The following ADAM8 variants were observed in gnomAD, a reference collection of about 807,000 sequenced individuals.
The protein encoded by ADAM8 is ADAM metallopeptidase domain 8.
Under a neutral mutation model 102.4 loss-of-function variants are expected in ADAM8, and 104 were observed. That is an observed-to-expected ratio of 1.02 (90% confidence interval 0.87 to 1.20). The LOEUF is 1.20. Among genes scored for constraint, ADAM8 ranks in the 50% most tolerant of loss-of-function variants. ADAM8 has a pLI of 0.00. For synonymous variants in ADAM8, 517 were observed against 485.2 expected (o/e 1.07, Z -0.86); for missense variants, 1,132 against 1,159.0 (o/e 0.98, Z 0.34).
At position 133,262,944 on chromosome 10, in the gene ADAM8, G is replaced by A; in HGVS notation, c.*212C>T. The A allele has an allele frequency of 1.5e-6, 1 of 684,960 alleles. No homozygotes were observed. 42.4% of individuals were successfully genotyped at this position (684,960 alleles called of 1,614,324 possible). A position where few individuals can be genotyped will look rare whatever the true frequency, so the allele number is the denominator to read the frequency against. Reference sequence around the variant, plus strand: ...AGCCTGGTGCCTGCAGACAGCTGGGGCTACACGTGGCCAAGGCGGGGAGAA... The same window carrying A: ...AGCCTGGTGCCTGCAGACAGCTGGGACTACACGTGGCCAAGGCGGGGAGAA... On this transcript the variant is annotated 3_prime_UTR_variant, in exon 23 of 23. Coordinates refer to ENST00000445355, the MANE Select transcript of ADAM8 (RefSeq NM_001109.5).
rs535345577 is a variant in ADAM8, at chr10:133,268,846, G to C, written c.1965C>G (p.Pro655=). The change falls in exon 19 of 23, where the codon CCC becomes CCG. Residue 655 remains proline (P), a synonymous_variant. Transcript: ENST00000445355. ...GCACCAGAACCACCACCACGAAGAC[G>C]GGGAGGCTCCCGGACGCTGTGGGAC... ...TEVHAASGSL[P]VFVVVVLVLL... 9.3e-6 allele frequency: 15 copies of C among 1,607,428 alleles called. No homozygotes were observed. In the African/African-American group the frequency reaches 1.6e-4, roughly 17 times the overall value.
intron 15 of ADAM8, 62 bp from the exon 16 acceptor site, chr10:133,270,572 C>A: frequency 2.6e-6 from 4 of 1,554,712 alleles, no homozygotes; most frequent in Non-Finnish European, 3.5e-6. Flanking sequence ...AGCCCAGGAG[C>A]CACAGTGACC....
chr10:133,272,463 T>A lies in ADAM8; in HGVS notation c.828A>T (p.Ala276=), dbSNP rs556533204. The change falls in exon 9 of 23, where the codon GCA becomes GCT. Residue 276 remains alanine (A), a synonymous_variant. Transcript: ENST00000445355. ...VTLENLLTWQ[A]RQRTRRHLHD... ...GCAGGTGCCGCCGTGTCCGTTGCCG[T>A]GCCTGCCAGGTCAGGAGGTTCTCCA... is the stretch of plus-strand genomic sequence containing the variant. 16 of 1,610,816 alleles carry A rather than the reference T, an allele frequency of 9.9e-6. No homozygotes were observed. In the East Asian group the frequency reaches 2.5e-4, roughly 25 times the overall value.
chr10:133,268,775 C>G lies in ADAM8; in HGVS notation c.2036G>C (p.Arg679Pro), dbSNP rs375833463. Residue 679 changes from arginine (R) to proline (P), a missense_variant, in exon 19 of 23, where the codon CGC (arginine) becomes CCC (proline). By Grantham distance (103) the Arg-to-Pro change is moderately radical. Transcript: ENST00000445355. ...LVTLAGIIVY[R>P]KARSRILSRN... ...GCTCAGGATGCGGCTCCGGGCTTTG[C>G]GGTAGACGATGATGCCTGCCAGGGT... The G allele has an allele frequency of 6.2e-7, 1 of 1,610,488 alleles. No homozygotes were observed. Among genetic ancestry groups the G allele is most frequent in the African/African-American group, 1.3e-5 (1 of 74,914 alleles).
intron 21 of ADAM8, among the ~76,000 whole-genome samples, chr10:133,266,292 T>G (rs981398933): frequency 5.9e-5 from 9 of 152,082 alleles, no homozygotes; most frequent in Non-Finnish European, 1.2e-4. Context: ...ATTGGTGACG[T>G]GGAGCCTCGG....
Position 133,274,261 on chromosome 10 carries a change from G to A in ADAM8, c.151-26C>T, listed in dbSNP as rs972466916. Reference sequence around the variant, plus strand: ...CTGAGCGAGGAGGGAAGGGTCCCAGGTGAGCAGCCTGCCCGGGCTGTGCCC... The same window carrying A: ...CTGAGCGAGGAGGGAAGGGTCCCAGATGAGCAGCCTGCCCGGGCTGTGCCC... On this transcript the variant is annotated intron_variant, in intron 2 of 22. Transcript: ENST00000445355. 3 of 1,516,492 alleles carry A rather than the reference G, an allele frequency of 2.0e-6. No individual in the cohort carries two copies. In the South Asian group the frequency reaches 3.9e-5, roughly 20 times the overall value. 93.9% of individuals were successfully genotyped at this position (1,516,492 alleles called of 1,614,324 possible). A position where few individuals can be genotyped will look rare whatever the true frequency, so the allele number is the denominator to read the frequency against.
intron 17 of ADAM8, 136 bp downstream of exon 17, chr10:133,269,761 C>T: frequency 9.0e-7 from 1 of 1,110,520 alleles, no homozygotes; most frequent in Non-Finnish European, 1.3e-6. Context: ...GACAGGGGCT[C>T]CACAGAGACC....
At chr10:133,264,827 CCGGCTCCTGCTG>C (rs1846275341) in intron 21 of ADAM8, among the ~76,000 whole-genome samples, 1 of 149,358 alleles carries the variant, frequency 6.7e-6, no homozygotes, top group Non-Finnish European at 1.5e-5. Flanking sequence ...ACCTCCACGC[CCGGCTCCTGCTG>C]CAGCCTCTGC....
intron 9 of ADAM8, 69 bp from the exon 10 acceptor site, chr10:133,272,343 GCT>G (rs1846561641): frequency 8.7e-7 from 1 of 1,150,898 alleles, no homozygotes; most frequent in Non-Finnish European, 1.2e-6. Flanking sequence ...CCCCAGCCCT[GCT>G]CTCCCTTCCA....
chr10:133,263,143 C>A lies in ADAM8; in HGVS notation c.*13G>T. ...CAACTTCTCCAAATTTCCACACAGG[C>A]GCAGGTGCCCCCCTAGGGTGCTGTG... On this transcript the variant is annotated 3_prime_UTR_variant, in exon 23 of 23. Transcript: ENST00000445355. The A allele has an allele frequency of 1.2e-6, 2 of 1,614,034 alleles. No homozygotes were observed. The highest frequency in any genetic ancestry group is 1.7e-6 in the Non-Finnish European group (2 of 1,179,912).
intron 19 of ADAM8, 65 bp downstream of exon 19, chr10:133,268,683 C>T (rs962966242): frequency 1.8e-5 from 27 of 1,525,846 alleles, no homozygotes; most frequent in Non-Finnish European, 2.3e-5. Flanking sequence ...CTGGGCACTC[C>T]TTCCTCTGGC....
intron 16 of ADAM8, 94 bp from the exon 17 acceptor site, chr10:133,270,068 G>T (rs1338828639): frequency 1.4e-6 from 2 of 1,392,076 alleles, no homozygotes; most frequent in African/African-American, 1.4e-5. Context: ...GTGGGCTGTG[G>T]TCACCACGTC....
chr10:133,265,120 C>A (rs1044130790), intron 21 of ADAM8, among the ~76,000 whole-genome samples: 1 of 136,860 alleles, frequency 7.3e-6, no homozygotes, highest in African/African-American at 2.8e-5. Context: ...CCTGCTGCAG[C>A]CTCTGCCCCA....
intron 5 of ADAM8, 99 bp downstream of exon 5, chr10:133,273,663 G>C (rs1326622836): frequency 7.2e-7 from 1 of 1,394,828 alleles, no homozygotes; most frequent in African/African-American, 1.4e-5. Flanking sequence ...CTGAGTGGGA[G>C]GAGGAGGCAC....
Position 133,268,816 on chromosome 10 carries a change from C to G in ADAM8, c.1995G>C (p.Leu665=). ...CTGCCAGGGTGACCAGCACAACTGCCAGGAGCACCAGAACCACCACCACGA... is the reference window on the plus strand; with the variant it reads ...CTGCCAGGGTGACCAGCACAACTGCGAGGAGCACCAGAACCACCACCACGA... ...PVFVVVVLVL[L]AVVLVTLAGI... The change falls in exon 19 of 23, where the codon CTG becomes CTC. Residue 665 remains leucine, a synonymous_variant. Coordinates refer to ENST00000445355, the MANE Select transcript of ADAM8 (RefSeq NM_001109.5). The G allele has an allele frequency of 6.2e-7, 1 of 1,610,496 alleles. No homozygotes were observed. The highest frequency in any genetic ancestry group is 8.5e-7 in the Non-Finnish European group (1 of 1,179,894).
chr10:133,270,585 C>A, intron 15 of ADAM8, 75 bp from the exon 16 acceptor site: 1 of 1,551,722 alleles, frequency 6.4e-7, no homozygotes, highest in Non-Finnish European at 8.8e-7. Context: ...CAGTGACCCA[C>A]CTCCCTCCCA....
At position 133,263,741 on chromosome 10, in the gene ADAM8, G is replaced by A; in HGVS notation, c.2344C>T (p.Pro782Ser). 1 of 1,534,566 alleles carries A rather than the reference G, an allele frequency of 6.5e-7. No homozygotes were observed. The highest frequency in any genetic ancestry group is 8.8e-7 in the Non-Finnish European group (1 of 1,140,406). The change falls in exon 22 of 23, where the codon CCA becomes TCA. Residue 782 changes from proline (P) to serine (S), a missense_variant. Physicochemically the swap from Pro to Ser is moderately conservative, Grantham distance 74 (BLOSUM62 -1). Coordinates refer to ENST00000445355, the MANE Select transcript of ADAM8 (RefSeq NM_001109.5). ...KQVIKPTFAP[P>S]VPPVKPGAGA... ...GCCCCGGGTTTGACTGGGGGCACTG[G>A]GGGTGCGAACGTTGGCTTGATGACC...
At chr10:133,268,895 A>C in intron 18 of ADAM8, 33 bp from the exon 19 acceptor site, 1 of 1,593,300 alleles carries the variant, frequency 6.3e-7, no homozygotes, top group Non-Finnish European at 8.5e-7. Context: ...TCAGGCAGGC[A>C]GGCCGCGACC....
Position 133,262,959 on chromosome 10 carries a change from G to T in ADAM8, c.*197C>A. The T allele has an allele frequency of 1.4e-6, 1 of 719,820 alleles. No individual in the cohort carries two copies. The highest frequency in any genetic ancestry group is 2.5e-6 in the Non-Finnish European group (1 of 405,480). 44.6% of individuals were successfully genotyped at this position (719,820 alleles called of 1,614,324 possible). On this transcript the variant is annotated 3_prime_UTR_variant, in exon 23 of 23. Coordinates refer to ENST00000445355, the MANE Select transcript of ADAM8 (RefSeq NM_001109.5). ...GACAGCTGGGGCTACACGTGGCCAA[G>T]GCGGGGAGAAGGAATTGGCTGAGGG...
Sources: gnomAD v4.1 joint callset for allele counts (sites outside exome capture counted in the v4.1 genomes callset) on GRCh38, gnomAD v4.1.1 for gene constraint, MANE v1.5 for transcripts, NCBI Gene and HGNC (gene_info 2026-07-23, HGNC 2026-07-21) for gene names.